The following DMXL2 variants were observed in gnomAD, a reference collection of about 807,000 sequenced individuals.
The protein encoded by DMXL2 is dmX-like protein 2.
In DMXL2, 103 loss-of-function variants were observed where a neutral mutation model predicts 331.1. That is an observed-to-expected ratio of 0.31 (90% CI 0.27 to 0.37). The LOEUF (loss-of-function observed/expected upper bound fraction) is 0.37, where lower values mean the gene tolerates loss of function less well. DMXL2 is among the 10% of genes least tolerant of loss of function. The pLI, the probability that DMXL2 is intolerant of heterozygous loss-of-function variation, is 1.00. For missense variants in DMXL2, 3,171 were observed against 3,642.9 expected, an observed-to-expected ratio of 0.87 and a Z score of 3.33; for synonymous variants, 1,281 against 1,252.1, an observed-to-expected ratio of 1.02 and a Z score of -0.49.
chr15:51,550,394 T>C (rs553056147), intron 6 of DMXL2, among the ~76,000 whole-genome samples: 3 of 152,182 alleles, frequency 2.0e-5, no homozygotes, highest in Non-Finnish European at 4.4e-5. Context: ...CTTATAATTG[T>C]ATACATTTAC....
At chr15:51,462,955 C>G (rs1169374332) in intron 33 of DMXL2, 1 of 154,020 alleles carries the variant, frequency 6.5e-6, no homozygotes, top group Non-Finnish European at 1.4e-5. Context: ...CAAAAGTATC[C>G]TGAATTTGTT....
chr15:51,473,055 T>G (rs1300671549), intron 28 of DMXL2, among the ~76,000 whole-genome samples: 2 of 152,204 alleles, frequency 1.3e-5, no homozygotes, highest in South Asian at 4.1e-4. Context: ...CCAAACTCAA[T>G]TCTACCTCAG....
At chr15:51,480,415 TAAAG>T (rs1226198515) in intron 24 of DMXL2, 123 bp downstream of exon 24, 12 of 1,207,580 alleles carry the variant, frequency 9.9e-6, no homozygotes, top group East Asian at 7.6e-5. Flanking sequence ...CTGCCTCCTA[TAAAG>T]AGAGGAGCTG....
intron 2 of DMXL2, among the ~76,000 whole-genome samples, chr15:51,572,735 G>A (rs542134168): frequency 6.6e-6 from 1 of 152,034 alleles, no homozygotes; most frequent in Non-Finnish European, 1.5e-5. Context: ...AAATTCAACA[G>A]CCCTTCATGC....
intron 33 of DMXL2, 185 bp from the exon 34 acceptor site, chr15:51,459,845 A>C (rs892129422): frequency 8.6e-7 from 1 of 1,167,726 alleles, no homozygotes; most frequent in Non-Finnish European, 1.1e-6. Flanking sequence ...CAAAGCCAAA[A>C]GAGCAAAATT....
rs1327360257 is a variant in DMXL2, at chr15:51,466,879, A to G, written c.7393-568T>C. 2.0e-5 allele frequency among the ~76,000 whole-genome samples: 3 copies of G among 151,750 alleles called. No homozygotes were observed. The East Asian group carries it at 5.8e-4, about 29-fold the overall frequency. On this transcript the variant is annotated intron_variant, in intron 29 of 43. Coordinates refer to ENST00000560891, the MANE Select transcript of DMXL2 (RefSeq NM_001378457.1). The stretch of plus-strand genomic sequence containing the variant: ...AAAAATAGATGAGATTAGCTGGGGA[A>G]TTTTTTTTAAATAAAAAAAATCCCA...
intron 20 of DMXL2, among the ~76,000 whole-genome samples, chr15:51,489,706 C>T (rs1393444625): frequency 6.6e-6 from 1 of 151,920 alleles, no homozygotes; most frequent in Non-Finnish European, 1.5e-5. Context: ...AAATGCTTTA[C>T]TCTCAATACT....
intron 6 of DMXL2, among the ~76,000 whole-genome samples, chr15:51,551,029 C>T (rs2049184141): frequency 6.6e-6 from 1 of 151,820 alleles, no homozygotes; most frequent in Non-Finnish European, 1.5e-5. Flanking sequence ...GTGGAAAATG[C>T]CTTCTAGTGG....
chr15:51,598,830 C>T (rs2053022093), intron 1 of DMXL2, among the ~76,000 whole-genome samples: 1 of 152,114 alleles, frequency 6.6e-6, no homozygotes. Context: ...CAGGTTTCTC[C>T]TCTATGTTGT....
Position 51,586,669 on chromosome 15 carries a change from T to C in DMXL2, c.88-10488A>G, listed in dbSNP as rs530878807. On this transcript the variant is annotated intron_variant, in intron 1 of 43. Coordinates refer to ENST00000560891, the MANE Select transcript of DMXL2 (RefSeq NM_001378457.1). Reference sequence around the variant, plus strand: ...AGTACTAAGCTAAAGAGAAACAAACTTGTGGTCCAAACTAAGTCTATTTAT... The same window carrying C: ...AGTACTAAGCTAAAGAGAAACAAACCTGTGGTCCAAACTAAGTCTATTTAT... Among the ~76,000 whole-genome samples the C allele has an allele frequency of 5.9e-5, 9 of 152,178 alleles. No homozygotes were observed. The South Asian group carries it at 1.5e-3, about 25-fold the overall frequency.
chr15:51,533,810 C>T (rs184664178), intron 13 of DMXL2, among the ~76,000 whole-genome samples: 306 of 152,320 alleles, frequency 2.0e-3, no homozygotes, highest in Non-Finnish European at 3.1e-3. Flanking sequence ...CAAATGTATA[C>T]TGCTAGGCTC....
At position 51,506,974 on chromosome 15, in the gene DMXL2, T is replaced by C. The variant is rs546129059; in HGVS notation, c.2764+160A>G. Among the ~76,000 whole-genome samples, 5 of 152,382 alleles carry C rather than the reference T, an allele frequency of 3.3e-5. No homozygotes were observed. The South Asian group carries it at 1.0e-3, about 32-fold the overall frequency. ...TTTTAGAATTAACCAGTTTCATTAA[T>C]GATTTATGACCTTGTAATTAAAAGT... On this transcript the variant is annotated intron_variant, in intron 16 of 43. Transcript: ENST00000560891.
At chr15:51,607,725 A>G (rs1016571924) in intron 1 of DMXL2, among the ~76,000 whole-genome samples, 2 of 152,204 alleles carry the variant, frequency 1.3e-5, no homozygotes, top group African/African-American at 4.8e-5. Context: ...CTCAAAGGCA[A>G]CTAAGAGAAA....
chr15:51,618,756 G>T (rs1215412525), intron 1 of DMXL2, among the ~76,000 whole-genome samples: 1 of 152,116 alleles, frequency 6.6e-6, no homozygotes, highest in South Asian at 2.1e-4. Flanking sequence ...TGCTTCTGTT[G>T]TTCTTATCTT....
At chr15:51,529,540 C>T (rs922474624) in intron 13 of DMXL2, among the ~76,000 whole-genome samples, 1 of 152,060 alleles carries the variant, frequency 6.6e-6, no homozygotes, top group African/African-American at 2.4e-5. Context: ...TACAACCTAT[C>T]AAGACTAAAC....
At chr15:51,576,591 T>C (rs1707374618) in intron 1 of DMXL2, among the ~76,000 whole-genome samples, 1 of 152,100 alleles carries the variant, frequency 6.6e-6, no homozygotes, top group Non-Finnish European at 1.5e-5. Flanking sequence ...GCTTAAGAAA[T>C]ATCAAGATAG....
At chr15:51,467,603 T>C (rs1213632489) in intron 29 of DMXL2, among the ~76,000 whole-genome samples, 1 of 152,132 alleles carries the variant, frequency 6.6e-6, no homozygotes, top group Non-Finnish European at 1.5e-5. Context: ...TTAATGCTAA[T>C]AAGGGGGTAA....
At chr15:51,494,971 C>T (rs1014151823) in intron 19 of DMXL2, 53 bp downstream of exon 19, 108 of 1,294,554 alleles carry the variant, frequency 8.3e-5, no homozygotes, top group Non-Finnish European at 1.1e-4. Flanking sequence ...TACACCCCAT[C>T]GCTCCAATAT....
chr15:51,550,407 A>C (rs2049142538), intron 6 of DMXL2, among the ~76,000 whole-genome samples: 1 of 152,158 alleles, frequency 6.6e-6, no homozygotes, highest in Admixed American at 6.5e-5. Flanking sequence ...ACATTTACAT[A>C]GTATGAAGTG....
Sources: allele counts gnomAD v4.1 joint callset (sites outside exome capture counted in the v4.1 genomes callset), GRCh38; gene constraint gnomAD v4.1.1; transcripts MANE v1.5; gene names NCBI Gene and HGNC (gene_info 2026-07-23, HGNC 2026-07-21).